The following EFCAB6 variants were observed in gnomAD, a reference collection of about 807,000 sequenced individuals.
The protein encoded by EFCAB6 is EF-hand calcium-binding domain-containing protein 6.
Under a neutral mutation model 169.8 loss-of-function variants are expected in EFCAB6, and 156 were observed. The observed-to-expected ratio is 0.92, with a 90% CI of 0.81 to 1.05. The LOEUF is 1.05. Ranked by LOEUF, EFCAB6 falls within the 50% of genes least tolerant of loss-of-function variation. EFCAB6 has a pLI of 0.00. For missense variants in EFCAB6, 1,800 were observed against 1,829.1 expected, an observed-to-expected ratio of 0.98 and a Z score of 0.29; for synonymous variants, 698 against 676.4, an observed-to-expected ratio of 1.03 and a Z score of -0.50.
At position 43,666,205 on chromosome 22, in the gene EFCAB6, C is replaced by A. The variant is rs369703138; in HGVS notation, c.1983+899G>T. Among the ~76,000 whole-genome samples, 4 of 152,342 alleles carry A rather than the reference C, an allele frequency of 2.6e-5. No individual in the cohort carries two copies. In the East Asian group the frequency reaches 7.7e-4, roughly 29 times the overall value. On this transcript the variant is annotated intron_variant, in intron 17 of 31. Coordinates refer to ENST00000262726, the MANE Select transcript of EFCAB6 (RefSeq NM_022785.4). ...ATATGCTCATACAACAAAGGACCCT[C>A]CACGTCTTGTCTTGTTCTGGCTGGG...
chr22:43,586,874 G>A (rs1472324386), intron 24 of EFCAB6, among the ~76,000 whole-genome samples: 2 of 152,144 alleles, frequency 1.3e-5, no homozygotes, highest in South Asian at 2.1e-4. Flanking sequence ...CAATGGTTCT[G>A]ATGCTTGGAG....
intron 6 of EFCAB6, among the ~76,000 whole-genome samples, chr22:43,746,639 G>A (rs529056712): frequency 5.7e-4 from 87 of 152,220 alleles, no homozygotes; most frequent in African/African-American, 2.0e-3. Context: ...GGCTGGGTGC[G>A]GTGGCTCATG....
chr22:43,677,058 A>G (rs1179819239), intron 13 of EFCAB6, among the ~76,000 whole-genome samples: 2 of 152,222 alleles, frequency 1.3e-5, no homozygotes, highest in Non-Finnish European at 2.9e-5. Flanking sequence ...TGTACCTGTT[A>G]AAAGCAGCTT....
intron 20 of EFCAB6, among the ~76,000 whole-genome samples, chr22:43,621,600 A>T (rs2054119590): frequency 6.6e-6 from 1 of 152,136 alleles, no homozygotes; most frequent in African/African-American, 2.4e-5. Context: ...TATGAGAGAA[A>T]AAATGACTCA....
At position 43,534,870 on chromosome 22, in the gene EFCAB6, G is replaced by T; in HGVS notation, c.4051C>A (p.Leu1351Ile). 1 of 1,593,826 alleles carries T rather than the reference G, an allele frequency of 6.3e-7. No individual in the cohort carries two copies. Among genetic ancestry groups the T allele is most frequent in the South Asian group, 1.2e-5 (1 of 86,924 alleles). Residue 1351 changes from leucine to isoleucine, a missense_variant and splice_region_variant, in exon 30 of 32, where the codon CTT becomes ATT. Leu to Ile is a conservative substitution (Grantham distance 5). Transcript: ENST00000262726. Reference sequence around the variant, plus strand: ...ATGTCCAGGTTGAATTTCTCCACAAGAGCTACAGAAAAAAATGGCAGTTCA... The same window carrying T: ...ATGTCCAGGTTGAATTTCTCCACAATAGCTACAGAAAAAAATGGCAGTTCA... ...GDINASDFLA[L>I]VEKFNLDISK... is the part of the protein sequence containing the mutation.
chr22:43,567,131 T>C (rs973555134), intron 26 of EFCAB6, among the ~76,000 whole-genome samples: 13 of 133,102 alleles, frequency 9.8e-5, no homozygotes, highest in African/African-American at 3.7e-4. Context: ...ATCCTCCTCG[T>C]CCTCCTCATC....
chr22:43,622,746 A>AAG (rs201583183), intron 20 of EFCAB6, among the ~76,000 whole-genome samples: 109 of 151,108 alleles, frequency 7.2e-4, no homozygotes, highest in South Asian at 1.5e-3. Flanking sequence ...TGTGCTAAAA[A>AAG]AGAGAGAGAG....
Position 43,716,855 on chromosome 22 carries a change from C to A in EFCAB6, c.875G>T (p.Cys292Phe). The A allele has an allele frequency of 6.2e-7, 1 of 1,603,406 alleles. No individual in the cohort carries two copies. Among genetic ancestry groups the A allele is most frequent in the Non-Finnish European group, 8.5e-7 (1 of 1,175,450 alleles). The change falls in exon 9 of 32, where the codon TGT becomes TTT. Residue 292 changes from cysteine (C) to phenylalanine (F), a missense_variant. By Grantham distance (205) the Cys-to-Phe change is radical (BLOSUM62 -2). Transcript: ENST00000262726. ...YSLDEIERNFCLQLSKSYEKV... is the reference protein window; with the variant it reads ...YSLDEIERNFFLQLSKSYEKV... ...CTTAGGAAAACATCTTACTTGTAGA[C>A]AAAAGTTCCTCTCAATTTCATCCAA...
intron 24 of EFCAB6, among the ~76,000 whole-genome samples, chr22:43,587,604 C>A (rs2051163856): frequency 6.6e-6 from 1 of 151,996 alleles, no homozygotes; most frequent in Admixed American, 6.5e-5. Flanking sequence ...GTCAAATCTC[C>A]CTCTGCCTCC....
At chr22:43,627,543 T>A (rs1223787292) in intron 19 of EFCAB6, among the ~76,000 whole-genome samples, 1 of 152,338 alleles carries the variant, frequency 6.6e-6, no homozygotes. Context: ...TAAAATGCTG[T>A]TTGTTGCACT....
At chr22:43,673,470 A>T (rs1162985794) in intron 13 of EFCAB6, among the ~76,000 whole-genome samples, 1 of 152,228 alleles carries the variant, frequency 6.6e-6, no homozygotes, top group African/African-American at 2.4e-5. Context: ...ACAGTTATTT[A>T]GTATATTTTA....
intron 8 of EFCAB6, among the ~76,000 whole-genome samples, chr22:43,719,751 T>C (rs1241675831): frequency 2.6e-5 from 4 of 152,222 alleles, no homozygotes; most frequent in Non-Finnish European, 5.9e-5. Flanking sequence ...ATGGAACTGC[T>C]ACCTGGATTA....
chr22:43,765,429 G>A, intron 4 of EFCAB6, 36 bp from the exon 5 acceptor site: 1 of 1,528,656 alleles, frequency 6.5e-7, no homozygotes. Context: ...ACATGTTAGA[G>A]AATTAAGATC....
chr22:43,660,583 C>T (rs1317020312), intron 17 of EFCAB6, among the ~76,000 whole-genome samples: 1 of 150,842 alleles, frequency 6.6e-6, no homozygotes, highest in Non-Finnish European at 1.5e-5. Flanking sequence ...ATATTTTTTC[C>T]AACCCCCCTT....
intron 17 of EFCAB6, among the ~76,000 whole-genome samples, chr22:43,661,057 T>G (rs1205954270): frequency 1.3e-5 from 2 of 152,198 alleles, no homozygotes; most frequent in Non-Finnish European, 2.9e-5. Flanking sequence ...ACTTGATATT[T>G]ACGTTAAATA....
chr22:43,721,127 T>C (rs763619669), intron 8 of EFCAB6, among the ~76,000 whole-genome samples: 34 of 151,984 alleles, frequency 2.2e-4, no homozygotes, highest in Non-Finnish European at 4.1e-4. Context: ...CCACGTGCAA[T>C]AGCCACAAAG....
At chr22:43,538,170 T>C (rs1218658686) in intron 28 of EFCAB6, among the ~76,000 whole-genome samples, 1 of 152,128 alleles carries the variant, frequency 6.6e-6, no homozygotes, top group Non-Finnish European at 1.5e-5. Flanking sequence ...CAGTTGATAA[T>C]TAGGTCCTTC....
chr22:43,671,411 T>C (rs1385734045), intron 15 of EFCAB6, among the ~76,000 whole-genome samples: 2 of 152,126 alleles, frequency 1.3e-5, no homozygotes, highest in East Asian at 3.9e-4. Flanking sequence ...CATGAGTTGA[T>C]TGTGTATCAT....
chr22:43,596,259 G>A (rs2147474720), intron 23 of EFCAB6, among the ~76,000 whole-genome samples: 1 of 152,082 alleles, frequency 6.6e-6, no homozygotes, highest in East Asian at 1.9e-4. Context: ...AATTAAGCAA[G>A]AGAAAGAAAT....
Sources: allele counts gnomAD v4.1 joint callset (sites outside exome capture counted in the v4.1 genomes callset), GRCh38; gene constraint gnomAD v4.1.1; transcripts MANE v1.5; gene names NCBI Gene and HGNC (gene_info 2026-07-23, HGNC 2026-07-21).